The following PARD3 variants were observed in gnomAD, a reference collection of about 807,000 sequenced individuals.
PARD3 encodes the protein partitioning defective 3 homolog.
Under a neutral mutation model 155.4 loss-of-function variants are expected in PARD3, and 75 were observed. The ratio of observed to expected loss-of-function variants is 0.48; its 90% CI spans 0.40 to 0.58. The LOEUF (loss-of-function observed/expected upper bound fraction) is 0.58. PARD3 is among the 20% of genes least tolerant of loss of function. The probability of loss-of-function intolerance (pLI) is 0.00; values close to 1 mark genes in which losing one functional copy is unlikely to be tolerated. For synonymous variants in PARD3, 576 were observed against 610.5 expected (o/e 0.94, Z 0.83); for missense variants, 1,642 against 1,721.7 (o/e 0.95, Z 0.82).
chr10:34,353,876 A>G (rs1838483280), intron 14 of PARD3, among the ~76,000 whole-genome samples: 1 of 151,872 alleles, frequency 6.6e-6, no homozygotes, highest in African/African-American at 2.4e-5. Context: ...GTTTTTCTCT[A>G]AAAAAGTGAA....
chr10:34,254,528 G>A (rs1954545779), intron 22 of PARD3, among the ~76,000 whole-genome samples: 1 of 143,220 alleles, frequency 7.0e-6, no homozygotes, highest in Admixed American at 7.3e-5. Flanking sequence ...TAACATCTAG[G>A]TAGGTAAACG....
At chr10:34,484,148 A>G (rs1449015632) in intron 3 of PARD3, among the ~76,000 whole-genome samples, 1 of 152,196 alleles carries the variant, frequency 6.6e-6, no homozygotes, top group Non-Finnish European at 1.5e-5. Flanking sequence ...AAATATGAAA[A>G]CCAGAGCAAG....
intron 20 of PARD3, among the ~76,000 whole-genome samples, chr10:34,299,228 T>A (rs1957045002): frequency 6.6e-6 from 1 of 152,154 alleles, no homozygotes; most frequent in Admixed American, 6.5e-5. Flanking sequence ...CAACTGCAAA[T>A]AAACACCAAT....
chr10:34,502,436 G>A (rs2080779141), intron 3 of PARD3, among the ~76,000 whole-genome samples: 1 of 152,166 alleles, frequency 6.6e-6, no homozygotes, highest in Non-Finnish European at 1.5e-5. Flanking sequence ...CAGGAAGGCA[G>A]CACTGCCAAC....
At chr10:34,764,869 T>C (rs1029034923) in intron 1 of PARD3, among the ~76,000 whole-genome samples, 1 of 152,212 alleles carries the variant, frequency 6.6e-6, no homozygotes, top group African/African-American at 2.4e-5. Flanking sequence ...CAGCACACAG[T>C]GCTCAAAGTA....
At chr10:34,639,571 A>G (rs2092601550) in intron 2 of PARD3, among the ~76,000 whole-genome samples, 1 of 152,168 alleles carries the variant, frequency 6.6e-6, no homozygotes, top group Non-Finnish European at 1.5e-5. Flanking sequence ...AAAACACGGA[A>G]AACAGACTGG....
At chr10:34,183,531 C>T (rs111967367) in intron 22 of PARD3, among the ~76,000 whole-genome samples, 4 of 152,300 alleles carry the variant, frequency 2.6e-5, no homozygotes, top group East Asian at 1.9e-4. Flanking sequence ...CTACCTAACA[C>T]GGCCAACATG....
At chr10:34,118,235 C>T (rs1946790483) in intron 24 of PARD3, among the ~76,000 whole-genome samples, 1 of 152,180 alleles carries the variant, frequency 6.6e-6, no homozygotes, top group Non-Finnish European at 1.5e-5. Context: ...TAAACTGCTA[C>T]AATAGATGGC....
chr10:34,503,360 T>C (rs1277092943), intron 3 of PARD3, among the ~76,000 whole-genome samples: 1 of 152,196 alleles, frequency 6.6e-6, no homozygotes, highest in Non-Finnish European at 1.5e-5. Context: ...GCTTACACTT[T>C]TTCCATATTA....
intron 22 of PARD3, among the ~76,000 whole-genome samples, chr10:34,261,843 A>ACACAC (rs1564528580): frequency 6.8e-6 from 1 of 147,558 alleles, no homozygotes; most frequent in African/African-American, 2.6e-5. Context: ...CAAACAAACA[A>ACACAC]ACACACACAC....
chr10:34,699,144 C>T (rs866105391), intron 1 of PARD3, among the ~76,000 whole-genome samples: 1 of 152,112 alleles, frequency 6.6e-6, no homozygotes, highest in African/African-American at 2.4e-5. Context: ...CTCCTGCCTC[C>T]GGAGGGGTCC....
chr10:34,609,700 G>GTTATTT (rs2090743254), intron 2 of PARD3, among the ~76,000 whole-genome samples: 1 of 152,020 alleles, frequency 6.6e-6, no homozygotes, highest in Admixed American at 6.6e-5. Context: ...ACCATGTCCT[G>GTTATTT]TTATTTTTAT....
chr10:34,446,999 C>G, intron 5 of PARD3, among the ~76,000 whole-genome samples: 1 of 152,018 alleles, frequency 6.6e-6, no homozygotes, highest in Non-Finnish European at 1.5e-5. Flanking sequence ...GCAACTAAAC[C>G]CTCTCTGAGT....
intron 3 of PARD3, among the ~76,000 whole-genome samples, chr10:34,496,833 C>G (rs2080322904): frequency 6.6e-6 from 1 of 152,170 alleles, no homozygotes; most frequent in African/African-American, 2.4e-5. Context: ...ATTTTAATAA[C>G]ACTATTACAT....
At chr10:34,155,843 C>A (rs1438315932) in intron 22 of PARD3, among the ~76,000 whole-genome samples, 1 of 152,082 alleles carries the variant, frequency 6.6e-6, no homozygotes, top group Non-Finnish European at 1.5e-5. Context: ...ATTGCTGGGA[C>A]CACTGTATTC....
At chr10:34,172,215 A>C (rs554084408) in intron 22 of PARD3, among the ~76,000 whole-genome samples, 1 of 152,312 alleles carries the variant, frequency 6.6e-6, no homozygotes, top group Non-Finnish European at 1.5e-5. Flanking sequence ...TAGATATAAA[A>C]GGGAAAATAG....
At chr10:34,614,368 G>A (rs1322992139) in intron 2 of PARD3, among the ~76,000 whole-genome samples, 2 of 151,958 alleles carry the variant, frequency 1.3e-5, no homozygotes, top group African/African-American at 4.8e-5. Flanking sequence ...TGAGTAGTCA[G>A]AAGATTAAGG....
chr10:34,253,209 G>A (rs1009669313), intron 22 of PARD3, among the ~76,000 whole-genome samples: 1 of 152,084 alleles, frequency 6.6e-6, no homozygotes, highest in African/African-American at 2.4e-5. Flanking sequence ...ATTACTTTAC[G>A]ACATTTGTCT....
chr10:34,809,802 G>A (rs1843873407), intron 1 of PARD3, among the ~76,000 whole-genome samples: 1 of 152,134 alleles, frequency 6.6e-6, no homozygotes, highest in Non-Finnish European at 1.5e-5. Flanking sequence ...TTTTTAGAGG[G>A]AAGGCAGAAA....
Sources: allele counts gnomAD v4.1 joint callset (sites outside exome capture counted in the v4.1 genomes callset), GRCh38; gene constraint gnomAD v4.1.1; transcripts MANE v1.5; gene names NCBI Gene and HGNC (gene_info 2026-07-23, HGNC 2026-07-21).